DAZAP1: variants seen among roughly 807,000 people sequenced by gnomAD.
DAZAP1 encodes DAZ associated protein 1.
DAZAP1 carries 6 observed loss-of-function variants against 60.1 expected under a neutral mutation model. The observed-to-expected ratio is 0.10, with a 90% CI of 0.05 to 0.20. The LOEUF (loss-of-function observed/expected upper bound fraction) is 0.20, where lower values mean the gene tolerates loss of function less well. DAZAP1 is among the 10% of genes least tolerant of loss of function. The pLI is 1.00. For synonymous variants in DAZAP1, 235 were observed against 215.9 expected (o/e 1.09, Z -0.78); for missense variants, 366 against 560.4 (o/e 0.65, Z 3.50).
At chr19:1,412,614 G>A (rs1345956115) in intron 1 of DAZAP1, among the ~76,000 whole-genome samples, 2 of 152,252 alleles carry the variant, frequency 1.3e-5, no homozygotes, top group Non-Finnish European at 2.9e-5. Flanking sequence ...CTCTGGTGCT[G>A]CCAGGAGGTC....
intron 8 of DAZAP1, 146 bp from the exon 9 acceptor site, chr19:1,429,821 G>A: frequency 1.1e-6 from 1 of 914,822 alleles, no homozygotes; most frequent in Non-Finnish European, 1.7e-6. Context: ...GGGTTCAGAG[G>A]GCTCTGCCCT....
chr19:1,414,344 T>C (rs1359106373), intron 1 of DAZAP1, among the ~76,000 whole-genome samples: 1 of 152,180 alleles, frequency 6.6e-6, no homozygotes, highest in African/African-American at 2.4e-5. Flanking sequence ...TACTGAAATA[T>C]TTGAGAGTAG....
chr19:1,412,361 C>T (rs903905010), intron 1 of DAZAP1, among the ~76,000 whole-genome samples: 1 of 152,170 alleles, frequency 6.6e-6, no homozygotes, highest in African/African-American at 2.4e-5. Context: ...TCCTGATGCT[C>T]TGGAAGAAGA....
chr19:1,413,059 G>A (rs929578513), intron 1 of DAZAP1, among the ~76,000 whole-genome samples: 1 of 152,194 alleles, frequency 6.6e-6, no homozygotes, highest in African/African-American at 2.4e-5. Flanking sequence ...CAGAGGCAGG[G>A]TGCAGGAGCC....
chr19:1,429,401 C>G (rs531605063), intron 8 of DAZAP1, among the ~76,000 whole-genome samples: 58 of 152,254 alleles, frequency 3.8e-4, no homozygotes, highest in Non-Finnish European at 6.2e-4. Flanking sequence ...TCCTTGCCAC[C>G]TGCCGTTCCC....
chr19:1,432,176 G>A lies in DAZAP1; in HGVS notation c.872-338G>A, dbSNP rs562201515. The A allele has an allele frequency of 9.1e-5, 33 of 363,224 alleles. No homozygotes were observed. The East Asian group carries it at 1.9e-3, about 21-fold the overall frequency. 22.5% of individuals were successfully genotyped at this position (363,224 alleles called of 1,614,324 possible). On this transcript the variant is annotated intron_variant, in intron 10 of 11. Coordinates refer to ENST00000233078, the MANE Select transcript of DAZAP1 (RefSeq NM_018959.4). The surrounding 1 kb of genome is among the most constrained non-coding windows in gnomAD (Gnocchi z 4.9). ...AACATGGGGACTGGGCATGGTGGCA[G>A]GTTTTTGTCCTTCTGAAAGAGCAAT...
At chr19:1,414,923 C>T (rs2082933288) in intron 1 of DAZAP1, among the ~76,000 whole-genome samples, 1 of 151,608 alleles carries the variant, frequency 6.6e-6, no homozygotes, top group African/African-American at 2.4e-5. Context: ...TTGACTCAAA[C>T]GATCCTTCTG....
chr19:1,430,340 C>A lies in DAZAP1; in HGVS notation c.849C>A (p.Gly283=). ...GFPPPQGFPQ[G]YGAPPQFSFG... Reference sequence around the variant, plus strand: ...CCCCTCCCCAGGGCTTCCCTCAGGGCTACGGTGCCCCGCCACAGTTCAGTA... The same window carrying A: ...CCCCTCCCCAGGGCTTCCCTCAGGGATACGGTGCCCCGCCACAGTTCAGTA... Residue 283 remains glycine (G), a synonymous_variant, in exon 10 of 12, where the codon GGC becomes GGA. Transcript: ENST00000233078. 6.7e-7 allele frequency: 1 copy of A among 1,491,070 alleles called. No individual in the cohort carries two copies. Among genetic ancestry groups the A allele is most frequent in the South Asian group, 1.3e-5 (1 of 76,232 alleles). 92.4% of individuals were successfully genotyped at this position (1,491,070 alleles called of 1,614,324 possible).
intron 1 of DAZAP1, among the ~76,000 whole-genome samples, chr19:1,414,888 A>G (rs998226395): frequency 1.3e-5 from 2 of 151,744 alleles, no homozygotes; most frequent in Admixed American, 6.6e-5. Context: ...CAGTGACACA[A>G]TCACGGCTCA....
rs1420526591 is a variant in DAZAP1 at position 1,428,377 on chromosome 19, C to T, written c.547-465C>T. 1 of 153,850 alleles carries T rather than the reference C, an allele frequency of 6.5e-6. No homozygotes were observed. The highest frequency in any genetic ancestry group is 1.9e-4 in the East Asian group (1 of 5,236). The allele number at this position is 153,850 out of a possible 1,614,324, so 9.5% of individuals were successfully genotyped here. ...AAATTTAAAAATCTAAGTAAAACAC[C>T]AGCCGTGTTTCTCAGGTATGAGTTA... On this transcript the variant is annotated intron_variant, in intron 7 of 11. Coordinates refer to ENST00000233078, the MANE Select transcript of DAZAP1 (RefSeq NM_018959.4). The surrounding 1 kb of genome is among the most constrained non-coding windows in gnomAD (Gnocchi z 4.0).
Position 1,418,126 on chromosome 19 carries a change from C to A in DAZAP1, c.71-78C>A. ...GTGGCTGGTGGACTGGAGGAGTGTG[C>A]GTGCCGGCAGCACTGCCAGGCACGT... is the stretch of plus-strand genomic sequence containing the variant. On this transcript the variant is annotated intron_variant, in intron 2 of 11. Coordinates refer to ENST00000233078, the MANE Select transcript of DAZAP1 (RefSeq NM_018959.4). This position sits in a 1 kb window ranked among gnomAD's most constrained non-coding sequence, Gnocchi z 5.7. 1 of 1,477,010 alleles carries A rather than the reference C, an allele frequency of 6.8e-7. No homozygotes were observed. Among genetic ancestry groups the A allele is most frequent in the Non-Finnish European group, 9.4e-7 (1 of 1,067,820 alleles). 91.5% of individuals were successfully genotyped at this position (1,477,010 alleles called of 1,614,324 possible).
Position 1,407,619 on chromosome 19 carries a change from AGCCGCCGCCGCCGCCGCCGCC to A in DAZAP1, c.-132_-112del, listed in dbSNP as rs878911770. ...ACCGTTGGCGCCGAGGGGAGGAGGCAGCCGCCGCCGCCGCCGCCGCCGCCGCCGCCGCCGCCGCCGCCGTTG... is the reference window on the plus strand; with the variant it reads ...ACCGTTGGCGCCGAGGGGAGGAGGCAGCCGCCGCCGCCGCCGCCGCCGTTG... On this transcript the variant is annotated 5_prime_UTR_variant, in exon 1 of 12. Transcript: ENST00000233078. 64 of 239,850 alleles carry A rather than the reference AGCCGCCGCCGCCGCCGCCGCC, an allele frequency of 2.7e-4. 1 individual carries two copies. The highest frequency in any genetic ancestry group is 5.4e-4 in the South Asian group (4 of 7,432). 14.9% of individuals were successfully genotyped at this position (239,850 alleles called of 1,614,324 possible). A position where few individuals can be genotyped will look rare whatever the true frequency, so the allele number is the denominator to read the frequency against.
intron 1 of DAZAP1, among the ~76,000 whole-genome samples, chr19:1,410,271 T>C (rs2082789067): frequency 6.6e-6 from 1 of 152,164 alleles, no homozygotes; most frequent in Non-Finnish European, 1.5e-5. Flanking sequence ...GGGGGCTTCA[T>C]GCAGGAGGAA....
chr19:1,410,533 C>G (rs949623833), intron 1 of DAZAP1, among the ~76,000 whole-genome samples: 3 of 152,218 alleles, frequency 2.0e-5, no homozygotes, highest in Admixed American at 6.5e-5. Context: ...CCCTCCCTGG[C>G]CTTGTGAAGT....
rs539881311 is a variant in DAZAP1 at position 1,422,117 on chromosome 19, C to T, written c.415-231C>T. 2.0e-5 allele frequency among the ~76,000 whole-genome samples: 3 copies of T among 152,382 alleles called. No individual in the cohort carries two copies. The South Asian group carries it at 6.2e-4, about 32-fold the overall frequency. Reference sequence around the variant, plus strand: ...GGCAGCCCGGAGGCGGGTATCCAGACGCCTGCCCTGGAGCTGCTTCTCCCT... The same window carrying T: ...GGCAGCCCGGAGGCGGGTATCCAGATGCCTGCCCTGGAGCTGCTTCTCCCT... On this transcript the variant is annotated intron_variant, in intron 5 of 11. Coordinates refer to ENST00000233078, the MANE Select transcript of DAZAP1 (RefSeq NM_018959.4). The surrounding 1 kb of genome is among the most constrained non-coding windows in gnomAD (Gnocchi z 4.5).
chr19:1,411,678 T>G (rs1356822935), intron 1 of DAZAP1, among the ~76,000 whole-genome samples: 1 of 152,228 alleles, frequency 6.6e-6, no homozygotes, highest in Non-Finnish European at 1.5e-5. Flanking sequence ...CCAGCTGTGC[T>G]TGTAGCCTTG....
Position 1,432,569 on chromosome 19 carries a change from T to C in DAZAP1, c.927T>C (p.Val309=), listed in dbSNP as rs770599867. The C allele has an allele frequency of 6.2e-7, 1 of 1,613,532 alleles. No individual in the cohort carries two copies. The highest frequency in any genetic ancestry group is 1.1e-5 in the South Asian group (1 of 91,074). The part of the protein sequence containing the change: ...PPPDQFAPPG[V]PPPPATPGAA... Reference sequence around the variant, plus strand: ...CAGATCAGTTTGCCCCTCCGGGGGTTCCTCCTCCACCAGCCACTCCCGGGG... The same window carrying C: ...CAGATCAGTTTGCCCCTCCGGGGGTCCCTCCTCCACCAGCCACTCCCGGGG... The change falls in exon 11 of 12, where the codon GTT becomes GTC. Residue 309 remains valine (V), a synonymous_variant. Transcript: ENST00000233078. This position sits in a 1 kb window ranked among gnomAD's most constrained non-coding sequence, Gnocchi z 4.9.
intron 1 of DAZAP1, among the ~76,000 whole-genome samples, chr19:1,414,574 G>A (rs2082919360): frequency 1.3e-5 from 2 of 151,586 alleles, no homozygotes; most frequent in Admixed American, 1.3e-4. Flanking sequence ...GTGAAACCCC[G>A]TCTCTACTAA....
chr19:1,419,612 G>T (rs542049758), intron 4 of DAZAP1, among the ~76,000 whole-genome samples: 1 of 152,152 alleles, frequency 6.6e-6, no homozygotes, highest in Non-Finnish European at 1.5e-5. Context: ...TCTCATAGCT[G>T]GTTTTTTTCA....
Sources: gnomAD v4.1 joint callset for allele counts (sites outside exome capture counted in the v4.1 genomes callset) on GRCh38, gnomAD v4.1.1 for gene constraint, Gnocchi (gnomAD v3.1) non-coding constraint, MANE v1.5 for transcripts, NCBI Gene and HGNC (gene_info 2026-07-23, HGNC 2026-07-21) for gene names.